Variants in KCTD1 observed in about 807,000 individuals in gnomAD.
The protein encoded by KCTD1 is potassium channel tetramerization domain containing 1, also known as BTB/POZ domain-containing protein KCTD1.
Under a neutral mutation model 66.0 loss-of-function variants are expected in KCTD1, and 24 were observed. The observed-to-expected ratio is 0.36, with a 90% CI of 0.26 to 0.51. The LOEUF is 0.51. KCTD1 is among the 20% of genes least tolerant of loss of function. The probability of loss-of-function intolerance (pLI) is 0.95; values close to 1 mark genes in which losing one functional copy is unlikely to be tolerated. For missense variants in KCTD1, 943 were observed against 1,205.2 expected (o/e 0.78, Z 3.22); for synonymous variants, 511 against 517.2 (o/e 0.99, Z 0.16).
chr18:26,460,378 G>GGGGA (rs1980355548), intron 3 of KCTD1, among the ~76,000 whole-genome samples: 1 of 152,212 alleles, frequency 6.6e-6, no homozygotes, highest in Non-Finnish European at 1.5e-5. Flanking sequence ...TATTGACCAA[G>GGGGA]GGGAGGCATA....
intron 1 of KCTD1, among the ~76,000 whole-genome samples, chr18:26,640,127 G>A (rs1200199043): frequency 6.6e-6 from 1 of 152,140 alleles, no homozygotes; most frequent in Non-Finnish European, 1.5e-5. Flanking sequence ...AGAGGAGAGA[G>A]GGTAGATGAG....
At chr18:26,610,260 T>A (rs1324030737) in intron 1 of KCTD1, among the ~76,000 whole-genome samples, 4 of 152,140 alleles carry the variant, frequency 2.6e-5, no homozygotes, top group African/African-American at 9.7e-5. Context: ...ATAAACAATT[T>A]TAAGTCCCAT....
intron 1 of KCTD1, among the ~76,000 whole-genome samples, chr18:26,610,245 T>C (rs1249587508): frequency 2.0e-5 from 3 of 152,164 alleles, no homozygotes. Flanking sequence ...AATTTTTCCT[T>C]ATGAATAAAC....
upstream of KCTD1, chr18:26,548,700 A>T: frequency 1.5e-6 from 1 of 683,444 alleles, no homozygotes; most frequent in East Asian, 1.0e-4. Flanking sequence ...CCGGAGGGGC[A>T]GCGGCGCGCA....
intron 1 of KCTD1, among the ~76,000 whole-genome samples, chr18:26,576,590 C>A (rs1003620323): frequency 6.6e-6 from 1 of 152,126 alleles, no homozygotes; most frequent in Non-Finnish European, 1.5e-5. Context: ...AAAAAATGAA[C>A]CTGTTTTCAT....
At chr18:26,565,476 T>C (rs368886249) in intron 1 of KCTD1, among the ~76,000 whole-genome samples, 2 of 152,364 alleles carry the variant, frequency 1.3e-5, no homozygotes, top group East Asian at 3.9e-4. Context: ...CTGAGAGATA[T>C]AAACCCATCA....
At chr18:26,633,398 G>C (rs1178462633), upstream of KCTD1, among the ~76,000 whole-genome samples, 4 of 151,846 alleles carry the variant, frequency 2.6e-5, no homozygotes, top group Non-Finnish European at 1.5e-5. Context: ...ATAATCCAAG[G>C]ACAAGGAAAC....
Position 26,548,103 on chromosome 18 carries a change from C to T in KCTD1, c.434G>A (p.Arg145His). 2.3e-6 allele frequency: 3 copies of T among 1,317,668 alleles called. No individual in the cohort carries two copies. The highest frequency in any genetic ancestry group is 2.9e-6 in the Non-Finnish European group (3 of 1,043,096). 81.6% of individuals were successfully genotyped at this position (1,317,668 alleles called of 1,614,324 possible). ...APPRLLAPRA[R>H]GGPPGDGSEL... ...GGAGCCGTCCCCGGGCGGCCCACCG[C>T]GGGCCCGGGGCGCCAGCAGTCGCGG... is the stretch of plus-strand genomic sequence containing the variant. Residue 145 changes from arginine to histidine, a missense_variant, in exon 1 of 5, where the codon CGC (arginine) becomes CAC (histidine). Arg to His is a conservative substitution (Grantham distance 29). Around this residue, in one of 10 missense-constraint regions of KCTD1, gnomAD observed 96 missense variants for 132.5 expected, o/e 0.72. Coordinates refer to ENST00000580059, the MANE Select transcript of KCTD1 (RefSeq NM_001142730.3).
intron 1 of KCTD1, among the ~76,000 whole-genome samples, chr18:26,521,106 GC>G (rs1363117858): frequency 6.6e-6 from 1 of 152,206 alleles, no homozygotes; most frequent in Non-Finnish European, 1.5e-5. Flanking sequence ...ACAGGGACAG[GC>G]CAAGTCCTCC....
chr18:26,522,286 A>G lies in KCTD1; in HGVS notation c.1810-21036T>C, dbSNP rs375047149. Among the ~76,000 whole-genome samples the G allele has an allele frequency of 1.2e-3, 182 of 152,336 alleles. 3 individuals are homozygous for G. Among genetic ancestry groups the G allele is most frequent in the African/African-American group, 4.0e-3 (165 of 41,582 alleles). ...AAAGGGGAAACTTGGATACAGACAA[A>G]CGCACGGGGAACATGCCACGTGAGC... On this transcript the variant is annotated intron_variant, in intron 1 of 4. Coordinates refer to ENST00000580059, the MANE Select transcript of KCTD1 (RefSeq NM_001142730.3).
intron 1 of KCTD1, among the ~76,000 whole-genome samples, chr18:26,637,057 C>T (rs1240875744): frequency 6.6e-6 from 1 of 152,228 alleles, no homozygotes; most frequent in Non-Finnish European, 1.5e-5. Flanking sequence ...CCCTCCAGAG[C>T]ACCTCGGAGG....
chr18:26,480,610 A>G (rs1255755520), intron 2 of KCTD1, among the ~76,000 whole-genome samples: 1 of 152,136 alleles, frequency 6.6e-6, no homozygotes, highest in East Asian at 1.9e-4. Flanking sequence ...TCTACTAAAA[A>G]TACAAAAATT....
At chr18:26,609,296 G>C (rs545633910) in intron 1 of KCTD1, among the ~76,000 whole-genome samples, 2 of 152,272 alleles carry the variant, frequency 1.3e-5, no homozygotes, top group South Asian at 4.1e-4. Context: ...AACATCTCAA[G>C]TGCCTGGCAT....
chr18:26,490,893 C>T (rs368569027), intron 2 of KCTD1, among the ~76,000 whole-genome samples: 12 of 152,058 alleles, frequency 7.9e-5, no homozygotes, highest in African/African-American at 2.4e-4. Flanking sequence ...GCTGGGACTA[C>T]AGGTGCATGC....
rs140613387 is a variant in KCTD1, at chr18:26,589,577, C to T, written c.-16+39570G>A. 2.6e-3 allele frequency among the ~76,000 whole-genome samples: 400 copies of T among 152,324 alleles called. 1 individual carries two copies. Among genetic ancestry groups the T allele is most frequent in the Middle Eastern group, 0.024 (7 of 294 alleles). ...GGTTATCAAAGACATCACAACAATG[C>T]TTTCAAAGTATCTTGGCTACTGTGG... On this transcript the variant is annotated intron_variant, in intron 1 of 4. Coordinates refer to the KCTD1 transcript ENST00000317932.
chr18:26,574,484 G>A (rs1404065503), intron 1 of KCTD1, among the ~76,000 whole-genome samples: 1 of 152,170 alleles, frequency 6.6e-6, no homozygotes, highest in Non-Finnish European at 1.5e-5. Context: ...AGAGCACAAG[G>A]GCTTTGAGGG....
At position 26,455,045 on chromosome 18, in the gene KCTD1, T is replaced by C. The variant is rs1272480603; in HGVS notation, c.*698A>G. 6.5e-6 allele frequency: 1 copy of C among 152,690 alleles called. No homozygotes were observed. The highest frequency in any genetic ancestry group is 2.4e-5 in the African/African-American group (1 of 41,472). The allele number at this position is 152,690 out of a possible 1,614,324, so 9.5% of individuals were successfully genotyped here. ...GAAAAATTGTAGGAAAGCAGCAGAC[T>C]TGAACTGGAGCAATTCTAACAAGGA... On this transcript the variant is annotated 3_prime_UTR_variant, in exon 5 of 5. Coordinates refer to ENST00000580059, the MANE Select transcript of KCTD1 (RefSeq NM_001142730.3).
At chr18:26,534,383 G>T (rs892457026) in intron 1 of KCTD1, among the ~76,000 whole-genome samples, 6 of 151,758 alleles carry the variant, frequency 4.0e-5, no homozygotes, top group African/African-American at 1.5e-4. Context: ...TTTATTATTT[G>T]TCTCTTGATT....
intron 1 of KCTD1, among the ~76,000 whole-genome samples, chr18:26,568,425 C>T (rs1378076690): frequency 2.0e-5 from 3 of 151,666 alleles, no homozygotes; most frequent in East Asian, 1.9e-4. Flanking sequence ...TTAGTAGAGA[C>T]GGGGTTTCGC....
Sources: allele counts gnomAD v4.1 joint callset (sites outside exome capture counted in the v4.1 genomes callset), GRCh38; gene constraint gnomAD v4.1.1; regional missense constraint gnomAD v4.1.1; transcripts MANE v1.5; gene names NCBI Gene and HGNC (gene_info 2026-07-23, HGNC 2026-07-21).